SGCZ: variants seen among roughly 807,000 people sequenced by gnomAD.
SGCZ encodes zeta-sarcoglycan.
A neutral mutation model predicts 41.3 loss-of-function variants in SGCZ; 40 were observed. The observed-to-expected ratio is 0.97, with a 90% confidence interval of 0.75 to 1.26. The LOEUF (loss-of-function observed/expected upper bound fraction) is 1.26. Ranked by LOEUF, SGCZ falls within the 50% of genes most tolerant of loss-of-function variation. The pLI is 0.00. For missense variants in SGCZ, 552 were observed against 369.8 expected (o/e 1.49, Z -4.04); for synonymous variants, 206 against 137.5 (o/e 1.50, Z -3.49).
chr8:14,437,213 T>C (rs575632292), intron 2 of SGCZ, among the ~76,000 whole-genome samples: 63 of 152,290 alleles, frequency 4.1e-4, no homozygotes, highest in African/African-American at 1.4e-3. Flanking sequence ...GCAATGGATC[T>C]GGCAGAAAAG....
intron 1 of SGCZ, among the ~76,000 whole-genome samples, chr8:14,919,523 ATAAG>A (rs1392071325): frequency 2.6e-5 from 4 of 152,328 alleles, no homozygotes; most frequent in Non-Finnish European, 5.9e-5. Flanking sequence ...TGAAGAGCAC[ATAAG>A]TAGAGTCACA....
At position 14,491,505 on chromosome 8, in the gene SGCZ, A is replaced by G. The variant is rs1801842363; in HGVS notation, c.234+63227T>C. 2.0e-5 allele frequency among the ~76,000 whole-genome samples: 3 copies of G among 152,328 alleles called. No individual in the cohort carries two copies. The South Asian group carries it at 6.2e-4, about 32-fold the overall frequency. On this transcript the variant is annotated intron_variant, in intron 2 of 7. Transcript: ENST00000382080. ...ACCAAACATAACTCTCAAGACTGTGAAGAATTTATGTACTTTCCAATAAAC... is the reference window on the plus strand; with the variant it reads ...ACCAAACATAACTCTCAAGACTGTGGAGAATTTATGTACTTTCCAATAAAC...
chr8:14,675,986 T>C (rs573564568), intron 1 of SGCZ, among the ~76,000 whole-genome samples: 1 of 152,142 alleles, frequency 6.6e-6, no homozygotes, highest in Non-Finnish European at 1.5e-5. Context: ...GCAGAGTGGT[T>C]CCTTAAATAT....
chr8:14,108,677 G>A (rs1470360448), intron 5 of SGCZ, among the ~76,000 whole-genome samples: 3 of 152,120 alleles, frequency 2.0e-5, no homozygotes, highest in Non-Finnish European at 4.4e-5. Flanking sequence ...TTCTAGATGA[G>A]ATTTGAGAGA....
chr8:15,105,333 T>C (rs1389278261), intron 1 of SGCZ, among the ~76,000 whole-genome samples: 1 of 152,146 alleles, frequency 6.6e-6, no homozygotes, highest in Non-Finnish European at 1.5e-5. Flanking sequence ...CTCACACTGC[T>C]GTAAAGAACT....
intron 3 of SGCZ, among the ~76,000 whole-genome samples, chr8:14,239,273 A>G (rs1806885466): frequency 6.6e-6 from 1 of 151,770 alleles, no homozygotes; most frequent in Non-Finnish European, 1.5e-5. Flanking sequence ...ACACACACAC[A>G]CACACACACA....
intron 1 of SGCZ, among the ~76,000 whole-genome samples, chr8:14,890,184 T>G (rs1228897983): frequency 6.7e-6 from 1 of 148,400 alleles, no homozygotes; most frequent in Non-Finnish European, 1.5e-5. Flanking sequence ...ACCACTGCAC[T>G]CCAGCCTGGG....
chr8:14,558,675 T>A (rs977232203), intron 1 of SGCZ, among the ~76,000 whole-genome samples: 1 of 148,670 alleles, frequency 6.7e-6, no homozygotes, highest in Non-Finnish European at 1.5e-5. Flanking sequence ...GGAAAGGACA[T>A]AACAATGACA....
chr8:14,754,869 G>C lies in SGCZ; in HGVS notation c.40-199943C>G, dbSNP rs542983616. 1.1e-4 allele frequency among the ~76,000 whole-genome samples: 17 copies of C among 152,084 alleles called. No individual in the cohort carries two copies. The East Asian group carries it at 3.3e-3, about 30-fold the overall frequency. On this transcript the variant is annotated intron_variant, in intron 1 of 7. Coordinates refer to ENST00000382080, the MANE Select transcript of SGCZ (RefSeq NM_139167.4). ...CCCAAGTAGCTGGGACTATAGGTGT[G>C]CACCACCACACCCAGCTTATTATTT...
intron 1 of SGCZ, among the ~76,000 whole-genome samples, chr8:14,905,786 T>G (rs995682790): frequency 5.3e-5 from 8 of 150,806 alleles, no homozygotes; most frequent in Admixed American, 4.0e-4. Flanking sequence ...AAACATTGAA[T>G]GAGACAAAAT....
At chr8:14,106,218 T>G (rs1356427467) in intron 6 of SGCZ, among the ~76,000 whole-genome samples, 2 of 152,204 alleles carry the variant, frequency 1.3e-5, no homozygotes, top group Non-Finnish European at 2.9e-5. Flanking sequence ...ACAAGGCAGA[T>G]GTGTATCCTG....
Position 14,668,797 on chromosome 8 carries a change from T to G in SGCZ, c.40-113871A>C, listed in dbSNP as rs545779357. On this transcript the variant is annotated intron_variant, in intron 1 of 7. Transcript: ENST00000382080. ...TATTGCATTATGTCTTTATTTTATT[T>G]TTAAAAAATTTGACAAACATATATT... is the stretch of plus-strand genomic sequence containing the variant. Among the ~76,000 whole-genome samples the G allele has an allele frequency of 7.2e-5, 11 of 152,254 alleles. No individual in the cohort carries two copies. In the East Asian group the frequency reaches 1.9e-3, roughly 27 times the overall value.
At chr8:14,802,590 CACAT>C (rs1238027211) in intron 1 of SGCZ, among the ~76,000 whole-genome samples, 3 of 152,218 alleles carry the variant, frequency 2.0e-5, no homozygotes, top group African/African-American at 4.8e-5. Context: ...GCATTTTACA[CACAT>C]ACAAACACAG....
chr8:14,867,403 C>A (rs532419052), intron 1 of SGCZ, among the ~76,000 whole-genome samples: 1 of 152,120 alleles, frequency 6.6e-6, no homozygotes, highest in South Asian at 2.1e-4. Context: ...AATAGTACTG[C>A]AATAAAGATA....
intron 1 of SGCZ, among the ~76,000 whole-genome samples, chr8:14,922,582 G>C (rs6986321): frequency 0.24 from 36,811 of 151,828 alleles, 4,745 homozygotes; most frequent in East Asian, 0.44. Flanking sequence ...AGCCTCCCAG[G>C]CTACCTAATC....
At position 14,547,659 on chromosome 8, in the gene SGCZ, C is replaced by T. The variant is rs73192318; in HGVS notation, c.234+7073G>A. On this transcript the variant is annotated intron_variant, in intron 2 of 7. Transcript: ENST00000382080. ...GTAAGTGTTCACTCACTTAATGCTT[C>T]GAATATCTCCATGAGATCAACATCA... is the stretch of plus-strand genomic sequence containing the variant. Among the ~76,000 whole-genome samples the T allele has an allele frequency of 1.4e-3, 213 of 152,188 alleles. 2 individuals carry two copies. The highest frequency in any genetic ancestry group is 2.4e-3 in the Non-Finnish European group (162 of 68,002).
chr8:14,859,644 C>A (rs1370232674), intron 1 of SGCZ, among the ~76,000 whole-genome samples: 12 of 152,108 alleles, frequency 7.9e-5, no homozygotes. Context: ...TGGCTCCCAA[C>A]AGTTCAGTTC....
chr8:14,296,576 G>A (rs1801018905), intron 3 of SGCZ, among the ~76,000 whole-genome samples: 1 of 152,116 alleles, frequency 6.6e-6, no homozygotes, highest in Non-Finnish European at 1.5e-5. Flanking sequence ...AATATATGAA[G>A]TTTAGAAAGG....
chr8:14,949,340 G>T (rs1422555575), intron 1 of SGCZ, among the ~76,000 whole-genome samples: 1 of 152,076 alleles, frequency 6.6e-6, no homozygotes, highest in Non-Finnish European at 1.5e-5. Context: ...TGACCTTAAA[G>T]TATGCAAATT....
Sources: gnomAD v4.1 joint callset for allele counts (sites outside exome capture counted in the v4.1 genomes callset) on GRCh38, gnomAD v4.1.1 for gene constraint, MANE v1.5 for transcripts, NCBI Gene and HGNC (gene_info 2026-07-23, HGNC 2026-07-21) for gene names.